The following SYT1 variants were observed in gnomAD, a reference collection of about 807,000 sequenced individuals.
The protein encoded by SYT1 is synaptotagmin 1.
SYT1 carries 8 observed loss-of-function variants against 44.8 expected under a neutral mutation model. The observed-to-expected ratio is 0.18, with a 90% CI of 0.10 to 0.32. The LOEUF is 0.32. Among genes scored for constraint, SYT1 ranks in the 10% least tolerant of loss-of-function variants. The pLI, the probability that SYT1 is intolerant of heterozygous loss-of-function variation, is 1.00. For missense variants in SYT1, 286 were observed against 509.3 expected (o/e 0.56, Z 4.22); for synonymous variants, 154 against 188.8 (o/e 0.82, Z 1.51).
At chr12:79,338,346 T>G (rs570411213) in intron 8 of SYT1, among the ~76,000 whole-genome samples, 17 of 151,668 alleles carry the variant, frequency 1.1e-4, no homozygotes, top group Admixed American at 9.9e-4. Flanking sequence ...GTACAAATCA[T>G]AGCTCACTGC....
chr12:79,417,720 A>G (rs527973718), intron 9 of SYT1, among the ~76,000 whole-genome samples: 1 of 152,136 alleles, frequency 6.6e-6, no homozygotes, highest in South Asian at 2.1e-4. Context: ...CAGTAATAAC[A>G]CTATGCATTC....
chr12:78,907,293 C>T (rs895878602), intron 1 of SYT1, among the ~76,000 whole-genome samples: 1 of 151,970 alleles, frequency 6.6e-6, no homozygotes, highest in Non-Finnish European at 1.5e-5. Context: ...GCAAAAACCA[C>T]CCCATAAAAT....
chr12:79,204,550 A>C (rs1390291206), intron 3 of SYT1, among the ~76,000 whole-genome samples: 2 of 152,232 alleles, frequency 1.3e-5, no homozygotes, highest in Non-Finnish European at 2.9e-5. Context: ...GGCTTGCTTC[A>C]ACTAAGCTAT....
intron 2 of SYT1, among the ~76,000 whole-genome samples, chr12:79,021,354 T>C (rs1366087776): frequency 6.6e-6 from 1 of 151,896 alleles, no homozygotes; most frequent in East Asian, 1.9e-4. Context: ...AAATTTTTCC[T>C]CTAATATTGG....
At chr12:78,870,075 A>T (rs1278962052) in intron 1 of SYT1, among the ~76,000 whole-genome samples, 2 of 152,118 alleles carry the variant, frequency 1.3e-5, no homozygotes, top group African/African-American at 4.8e-5. Flanking sequence ...ATTTCCATGT[A>T]GAACGGGAAT....
intron 3 of SYT1, among the ~76,000 whole-genome samples, chr12:79,097,859 A>T (rs1878228114): frequency 1.3e-5 from 2 of 152,042 alleles, no homozygotes; most frequent in South Asian, 4.1e-4. Flanking sequence ...CTAACTAGGG[A>T]AAAGCTTAGT....
At chr12:79,136,912 A>T (rs538588188) in intron 3 of SYT1, among the ~76,000 whole-genome samples, 2 of 152,334 alleles carry the variant, frequency 1.3e-5, no homozygotes, top group South Asian at 4.1e-4. Flanking sequence ...TTAGGAAACA[A>T]GAAAAATTAT....
chr12:79,306,246 T>TGA (rs750848085), intron 8 of SYT1, among the ~76,000 whole-genome samples: 1 of 152,266 alleles, frequency 6.6e-6, no homozygotes, highest in Non-Finnish European at 1.5e-5. Flanking sequence ...CTATCACCTT[T>TGA]GAGAGAGTCA....
At chr12:79,060,260 CA>C (rs1348379502) in intron 3 of SYT1, among the ~76,000 whole-genome samples, 7 of 151,834 alleles carry the variant, frequency 4.6e-5, no homozygotes, top group Admixed American at 2.0e-4. Context: ...GTCCCTGTAA[CA>C]AAAAGCTTTT....
chr12:79,293,160 A>T (rs1017318646), intron 6 of SYT1, among the ~76,000 whole-genome samples: 3 of 149,502 alleles, frequency 2.0e-5, no homozygotes, highest in Admixed American at 2.0e-4. Flanking sequence ...AAAATACAAA[A>T]AAAAAAAAAA....
At chr12:78,943,625 A>T (rs1214414763) in intron 1 of SYT1, among the ~76,000 whole-genome samples, 1 of 152,142 alleles carries the variant, frequency 6.6e-6, no homozygotes, top group Non-Finnish European at 1.5e-5. Flanking sequence ...ATATATTCAA[A>T]CTATATCACC....
intron 1 of SYT1, among the ~76,000 whole-genome samples, chr12:78,930,064 G>T (rs1877549931): frequency 6.6e-6 from 1 of 152,094 alleles, no homozygotes; most frequent in Non-Finnish European, 1.5e-5. Flanking sequence ...TAAAATTTCA[G>T]TTAAACTGGA....
intron 4 of SYT1, among the ~76,000 whole-genome samples, chr12:79,229,341 A>G (rs1010964467): frequency 6.6e-6 from 1 of 152,246 alleles, no homozygotes; most frequent in Admixed American, 6.5e-5. Context: ...TGTGATCTAG[A>G]AAGCAGTAGT....
chr12:79,033,828 A>G (rs1365020998), intron 2 of SYT1, among the ~76,000 whole-genome samples: 1 of 151,482 alleles, frequency 6.6e-6, no homozygotes, highest in Admixed American at 6.6e-5. Flanking sequence ...TCAAGTCTCC[A>G]TATAACATAT....
intron 4 of SYT1, among the ~76,000 whole-genome samples, chr12:79,269,427 C>A (rs1878303001): frequency 6.6e-6 from 1 of 152,208 alleles, no homozygotes; most frequent in South Asian, 2.1e-4. Context: ...GGGAACCATC[C>A]TTTCTGTGTT....
chr12:79,089,796 C>G (rs948584305), intron 3 of SYT1, among the ~76,000 whole-genome samples: 22 of 152,162 alleles, frequency 1.4e-4, no homozygotes, highest in Admixed American at 1.1e-3. Flanking sequence ...TTGCTAAACT[C>G]CAAATCAAAT....
rs528252501 is a variant in SYT1, at chr12:79,450,624, G to A, written c.*1500G>A. 76 of 152,740 alleles carry A rather than the reference G, an allele frequency of 5.0e-4. No homozygotes were observed. The highest frequency in any genetic ancestry group is 4.8e-4 in the Non-Finnish European group (33 of 68,048). The allele number at this position is 152,740 out of a possible 1,614,324, so 9.5% of individuals were successfully genotyped here. A position where few individuals can be genotyped will look rare whatever the true frequency, so the allele number is the denominator to read the frequency against. On this transcript the variant is annotated 3_prime_UTR_variant, in exon 11 of 11. Coordinates refer to ENST00000261205, the MANE Select transcript of SYT1 (RefSeq NM_005639.3). ...GCTTAGACCCGTAGTTTCCTCAGTG[G>A]ATAGCACTCAATTTATTCCGTAGTG...
intron 8 of SYT1, among the ~76,000 whole-genome samples, chr12:79,324,406 G>A (rs1881514168): frequency 6.6e-6 from 1 of 152,072 alleles, no homozygotes; most frequent in African/African-American, 2.4e-5. Context: ...ATCAGAAAAA[G>A]TCAATAGACC....
chr12:79,446,015 ATATATATATATATATAT>A (rs1018003940), intron 10 of SYT1, among the ~76,000 whole-genome samples: 8 of 113,586 alleles, frequency 7.0e-5, no homozygotes, highest in African/African-American at 2.7e-4. Flanking sequence ...ATATATATAT[ATATATATATATATATAT>A]ATTATGCCTA....
Sources: allele counts gnomAD v4.1 joint callset (sites outside exome capture counted in the v4.1 genomes callset), GRCh38; gene constraint gnomAD v4.1.1; transcripts MANE v1.5; gene names NCBI Gene and HGNC (gene_info 2026-07-23, HGNC 2026-07-21).